Variants in IFNGR1 observed in about 807,000 individuals in gnomAD.
IFNGR1 encodes AVP, type 2.
A neutral mutation model predicts 35.4 loss-of-function variants in IFNGR1; 23 were observed. That is an observed-to-expected ratio of 0.65 (90% CI 0.47 to 0.92). The LOEUF (loss-of-function observed/expected upper bound fraction) is 0.92, where lower values mean the gene tolerates loss of function less well. Among genes scored for constraint, IFNGR1 ranks in the 40% least tolerant of loss-of-function variants. The pLI is 0.00. For missense variants in IFNGR1, 533 were observed against 583.4 expected (o/e 0.91, Z 0.89); for synonymous variants, 199 against 209.5 (o/e 0.95, Z 0.43).
chr6:137,203,477 A>G (rs746993550), intron 5 of IFNGR1, 22 bp downstream of exon 5: 5 of 1,321,776 alleles, frequency 3.8e-6, no homozygotes, highest in Non-Finnish European at 5.5e-6. Context: ...CTATATTTAG[A>G]AAAAAAATGG....
intron 1 of IFNGR1, among the ~76,000 whole-genome samples, chr6:137,213,971 GA>G (rs1779632972): frequency 6.6e-6 from 1 of 152,236 alleles, no homozygotes; most frequent in Admixed American, 6.5e-5. Context: ...GGACTCTGCA[GA>G]AATCATCTGA....
intron 1 of IFNGR1, chr6:137,215,447 A>AG: frequency 5.1e-6 from 5 of 979,078 alleles, no homozygotes; most frequent in African/African-American, 1.6e-5. Context: ...ACAGATACCT[A>AG]GTATTCTGAT....
rs1399527124 is a variant in IFNGR1 at position 137,219,344 on chromosome 6, G to A, written c.-17C>T. The stretch of plus-strand genomic sequence containing the variant: ...GAGAGCCATGCTGCTACCGACGGTC[G>A]CTGGCTCCAACCCCGAGCGCCTGCG... On this transcript the variant is annotated 5_prime_UTR_variant, in exon 1 of 7. Transcript: ENST00000367739. 3.8e-6 allele frequency: 6 copies of A among 1,593,838 alleles called. No homozygotes were observed. Among genetic ancestry groups the A allele is most frequent in the East Asian group, 2.3e-5 (1 of 44,040 alleles).
In IFNGR1 at chr6:137,200,869, T is replaced by A; in HGVS notation, c.861+12A>T. The A allele has an allele frequency of 6.5e-7, 1 of 1,544,562 alleles. No individual in the cohort carries two copies. The highest frequency in any genetic ancestry group is 8.8e-7 in the Non-Finnish European group (1 of 1,132,770). On this transcript the variant is annotated intron_variant, in intron 6 of 6. Transcript: ENST00000367739. ...AACTTTTTAGTGTATATAAAAAAAT[T>A]AAATACATTACCAAGGACTTGGGTA...
chr6:137,211,658 T>C (rs1000993140), intron 1 of IFNGR1, among the ~76,000 whole-genome samples: 1 of 152,242 alleles, frequency 6.6e-6, no homozygotes, highest in Non-Finnish European at 1.5e-5. Context: ...CTTGGCTCTT[T>C]GTTTTTTGTA....
intron 6 of IFNGR1, among the ~76,000 whole-genome samples, chr6:137,200,367 C>T (rs996314884): frequency 6.6e-6 from 1 of 152,090 alleles, no homozygotes; most frequent in Admixed American, 6.6e-5. Context: ...TCATTTTTGG[C>T]CAACTTTCCT....
intron 1 of IFNGR1, among the ~76,000 whole-genome samples, chr6:137,217,651 G>C (rs181671302): frequency 2.0e-5 from 3 of 152,138 alleles, no homozygotes; most frequent in African/African-American, 7.2e-5. Context: ...TGGGTTCCTG[G>C]TTCTAGCCTC....
At chr6:137,205,096 C>T (rs190668928) in intron 3 of IFNGR1, among the ~76,000 whole-genome samples, 389 of 152,232 alleles carry the variant, frequency 2.6e-3, no homozygotes, top group Admixed American at 3.5e-3. Context: ...GTATACTTTC[C>T]GGCACGTAGT....
intron 1 of IFNGR1, among the ~76,000 whole-genome samples, chr6:137,216,577 A>G (rs977903237): frequency 6.6e-6 from 1 of 152,200 alleles, no homozygotes; most frequent in Admixed American, 6.5e-5. Flanking sequence ...CCTCTCATCT[A>G]AGATGAACTT....
intron 1 of IFNGR1, among the ~76,000 whole-genome samples, chr6:137,216,103 AAATAT>A (rs1252325420): frequency 1.3e-5 from 2 of 152,252 alleles, no homozygotes; most frequent in Middle Eastern, 3.2e-3. Context: ...CCTATTCAAT[AAATAT>A]AATTAAAAAG....
intron 1 of IFNGR1, among the ~76,000 whole-genome samples, chr6:137,214,397 C>A (rs574623382): frequency 6.6e-6 from 1 of 152,180 alleles, no homozygotes; most frequent in African/African-American, 2.4e-5. Flanking sequence ...AGCAAGGAGC[C>A]GCATCCCCCA....
chr6:137,218,378 G>T, intron 1 of IFNGR1: 1 of 727,896 alleles, frequency 1.4e-6, no homozygotes, highest in Non-Finnish European at 2.1e-6. Context: ...CTCAACATTT[G>T]TTTTCTAGGA....
At chr6:137,199,573 TAA>T (rs1779228057) in intron 6 of IFNGR1, among the ~76,000 whole-genome samples, 1 of 106,504 alleles carries the variant, frequency 9.4e-6, no homozygotes, top group Middle Eastern at 3.9e-3. Flanking sequence ...ATATAATATA[TAA>T]TATATAAAAT....
chr6:137,209,798 C>T (rs374304630), intron 1 of IFNGR1: 31 of 398,706 alleles, frequency 7.8e-5, no homozygotes, highest in African/African-American at 6.0e-4. Flanking sequence ...CAACTCTACA[C>T]ATACTACTAT....
Position 137,203,641 on chromosome 6 carries a change from C to G in IFNGR1, c.591G>C (p.Glu197Asp). ...ILTQKEDDCD[E>D]IQCQLAIPVS... ...CTGGAATCGCTAACTGGCACTGAAT[C>G]TCGTCACAATCATCTTCCTTCTGCG... The change falls in exon 5 of 7, where the codon GAG (glutamate) becomes GAC (aspartate). Residue 197 changes from glutamate (E) to aspartate (D), a missense_variant. By Grantham distance (45) the Glu-to-Asp change is conservative. Coordinates refer to ENST00000367739, the MANE Select transcript of IFNGR1 (RefSeq NM_000416.3). The G allele has an allele frequency of 3.7e-6, 6 of 1,613,042 alleles. No individual in the cohort carries two copies. The highest frequency in any genetic ancestry group is 5.1e-6 in the Non-Finnish European group (6 of 1,179,250).
At chr6:137,200,025 C>T (rs1471318453) in intron 6 of IFNGR1, among the ~76,000 whole-genome samples, 1 of 152,072 alleles carries the variant, frequency 6.6e-6, no homozygotes, top group Admixed American at 6.6e-5. Context: ...CCAGCATTTA[C>T]CCGTTATGCT....
In IFNGR1 at chr6:137,204,441, A is replaced by C; in HGVS notation, c.437T>G (p.Phe146Cys). 1.2e-6 allele frequency: 2 copies of C among 1,613,942 alleles called. No homozygotes were observed. Among genetic ancestry groups the C allele is most frequent in the Non-Finnish European group, 8.5e-7 (1 of 1,179,854 alleles). Residue 146 changes from phenylalanine to cysteine, a missense_variant, in exon 4 of 7, where the codon TTT becomes TGT. By Grantham distance (205) the Phe-to-Cys change is radical. Transcript: ENST00000367739. ...KEEKQIMIDI[F>C]HPSVFVNGDE... ...TCCATTTACAAAAACTGAAGGGTGA[A>C]ATATGTCAATCATGATTTGCTTCTC...
chr6:137,213,491 C>T (rs1276486073), intron 1 of IFNGR1, among the ~76,000 whole-genome samples: 5 of 151,990 alleles, frequency 3.3e-5, no homozygotes, highest in Admixed American at 3.3e-4. Context: ...TTTGTTTTTC[C>T]TAACACTTTA....
At chr6:137,206,526 G>C (rs906459375) in intron 2 of IFNGR1, 4 of 520,918 alleles carry the variant, frequency 7.7e-6, no homozygotes, top group Admixed American at 7.3e-5. Context: ...CAAAATGTAA[G>C]ACCTATGCAA....
Sources: gnomAD v4.1 joint callset for allele counts (sites outside exome capture counted in the v4.1 genomes callset) on GRCh38, gnomAD v4.1.1 for gene constraint, MANE v1.5 for transcripts, NCBI Gene and HGNC (gene_info 2026-07-23, HGNC 2026-07-21) for gene names.